Variants in CTNNA2 observed in about 807,000 individuals in gnomAD.
The protein encoded by CTNNA2 is catenin alpha-2.
A neutral mutation model predicts 101.0 loss-of-function variants in CTNNA2; 42 were observed. The ratio of observed to expected loss-of-function variants is 0.42; its 90% CI spans 0.32 to 0.54. The LOEUF is 0.54. CTNNA2 is among the 20% of genes least tolerant of loss of function. The probability of loss-of-function intolerance (pLI) is 0.14; values close to 1 mark genes in which losing one functional copy is unlikely to be tolerated. For synonymous variants in CTNNA2, 450 were observed against 456.4 expected (o/e 0.99, Z 0.18); for missense variants, 871 against 1,223.1 (o/e 0.71, Z 4.29).
intron 7 of CTNNA2, among the ~76,000 whole-genome samples, chr2:80,172,093 G>A (rs1705097373): frequency 6.6e-6 from 1 of 152,142 alleles, no homozygotes; most frequent in South Asian, 2.1e-4. Context: ...GATCATGACA[G>A]GGAGCGGTTT....
chr2:79,567,715 T>C (rs1209342349), intron 1 of CTNNA2, among the ~76,000 whole-genome samples: 1 of 152,018 alleles, frequency 6.6e-6, no homozygotes, highest in Non-Finnish European at 1.5e-5. Context: ...TGGGTGGGCA[T>C]TGCTTGTGTT....
chr2:79,835,691 T>G (rs796528930), intron 3 of CTNNA2, among the ~76,000 whole-genome samples: 13 of 135,378 alleles, frequency 9.6e-5, no homozygotes, highest in African/African-American at 3.2e-4. Flanking sequence ...TTTTTTTTTT[T>G]TTTTTTTTTT....
chr2:79,878,481 G>A (rs1050379562), intron 6 of CTNNA2, among the ~76,000 whole-genome samples: 1 of 152,034 alleles, frequency 6.6e-6, no homozygotes, highest in African/African-American at 2.4e-5. Flanking sequence ...AGCACCAATT[G>A]CATCTATAGC....
chr2:79,351,998 A>G (rs1435408364), intron 3 of CTNNA2, among the ~76,000 whole-genome samples: 1 of 152,208 alleles, frequency 6.6e-6, no homozygotes, highest in Admixed American at 6.5e-5. Flanking sequence ...GAAATCTCCA[A>G]AATTGCTTCC....
intron 3 of CTNNA2, among the ~76,000 whole-genome samples, chr2:79,366,366 C>A (rs1444823481): frequency 6.6e-6 from 1 of 152,148 alleles, no homozygotes; most frequent in Non-Finnish European, 1.5e-5. Context: ...GATTTTTCTT[C>A]CTTATATTAG....
chr2:80,187,783 C>A (rs1706226474), intron 7 of CTNNA2, among the ~76,000 whole-genome samples: 1 of 151,804 alleles, frequency 6.6e-6, no homozygotes, highest in African/African-American at 2.4e-5. Context: ...ATTTTTAAAA[C>A]CTTGAATGTC....
chr2:79,580,822 G>T (rs777729825), intron 1 of CTNNA2, among the ~76,000 whole-genome samples: 8 of 152,210 alleles, frequency 5.3e-5, no homozygotes, highest in Non-Finnish European at 7.4e-5. Context: ...ATTTCCTGAT[G>T]AATGGATAAT....
intron 7 of CTNNA2, among the ~76,000 whole-genome samples, chr2:80,204,261 C>T (rs1045072656): frequency 7.2e-5 from 11 of 152,226 alleles, no homozygotes; most frequent in African/African-American, 2.7e-4. Flanking sequence ...GCTTGAATTT[C>T]TCCTCAGAAA....
intron 7 of CTNNA2, among the ~76,000 whole-genome samples, chr2:79,976,542 A>G (rs1223752008): frequency 2.6e-5 from 4 of 152,176 alleles, no homozygotes; most frequent in Admixed American, 1.3e-4. Context: ...CCAGTGGATT[A>G]AAAGTTCTAT....
At chr2:79,830,740 A>G (rs1678865899) in intron 3 of CTNNA2, among the ~76,000 whole-genome samples, 1 of 152,174 alleles carries the variant, frequency 6.6e-6, no homozygotes, top group South Asian at 2.1e-4. Flanking sequence ...GGCTGTAAAA[A>G]GAATGGGCCT....
In CTNNA2 at chr2:80,280,904, G is replaced by T. The variant is rs187243742; in HGVS notation, c.1057-112307G>T. Among the ~76,000 whole-genome samples, 40 of 152,208 alleles carry T rather than the reference G, an allele frequency of 2.6e-4. No homozygotes were observed. The East Asian group carries it at 7.5e-3, about 29-fold the overall frequency. On this transcript the variant is annotated intron_variant, in intron 7 of 18. Transcript: ENST00000402739. Reference sequence around the variant, plus strand: ...CTATTGTTTCGGGCATCTACTGGGGGTCTTAGAATATACTCCTGCCAATAA... The same window carrying T: ...CTATTGTTTCGGGCATCTACTGGGGTTCTTAGAATATACTCCTGCCAATAA...
At chr2:79,784,780 A>C (rs1484349937) in intron 3 of CTNNA2, among the ~76,000 whole-genome samples, 1 of 151,654 alleles carries the variant, frequency 6.6e-6, no homozygotes, top group Non-Finnish European at 1.5e-5. Flanking sequence ...ATATATATAA[A>C]AACATGGATG....
At chr2:80,034,354 CTTTTTTTTTT>C (rs1199616310) in intron 7 of CTNNA2, among the ~76,000 whole-genome samples, 36 of 54,100 alleles carry the variant, frequency 6.7e-4, no homozygotes, top group African/African-American at 1.4e-3. Flanking sequence ...ATTTTTTTTT[CTTTTTTTTTT>C]TTTTTTTGAT....
intron 2 of CTNNA2, among the ~76,000 whole-genome samples, chr2:79,717,112 G>C (rs1686160120): frequency 6.6e-6 from 1 of 152,176 alleles, no homozygotes; most frequent in Admixed American, 6.6e-5. Context: ...TTGTGTATGA[G>C]CCCTGGAGAA....
chr2:79,599,335 A>G (rs78238881), intron 1 of CTNNA2, among the ~76,000 whole-genome samples: 9,076 of 152,226 alleles, frequency 0.06, 865 homozygotes, highest in African/African-American at 0.2. Flanking sequence ...AAACAAACCT[A>G]TAAGTATTAA....
chr2:79,214,929 C>T (rs186841222), intron 2 of CTNNA2, among the ~76,000 whole-genome samples: 29,657 of 151,712 alleles, frequency 0.2, 3,286 homozygotes, highest in African/African-American at 0.3. Flanking sequence ...GCAAGGGAAA[C>T]AGGCCCTTGA....
chr2:79,769,424 C>T (rs537570926), intron 3 of CTNNA2, among the ~76,000 whole-genome samples: 12 of 152,262 alleles, frequency 7.9e-5, no homozygotes, highest in Non-Finnish European at 1.6e-4. Flanking sequence ...TGAAGTGAAA[C>T]CCTCCATAAA....
intron 2 of CTNNA2, among the ~76,000 whole-genome samples, chr2:79,694,228 A>C (rs1052729551): frequency 4.6e-5 from 7 of 152,000 alleles, no homozygotes; most frequent in African/African-American, 1.7e-4. Context: ...GCTGTGAGTT[A>C]GGAAAACTAT....
At chr2:80,186,188 C>A (rs1046239115) in intron 7 of CTNNA2, among the ~76,000 whole-genome samples, 2 of 152,184 alleles carry the variant, frequency 1.3e-5, no homozygotes, top group Non-Finnish European at 2.9e-5. Context: ...GATGTTGGAG[C>A]CTTCATACAT....
Sources: gnomAD v4.1 joint callset for allele counts (sites outside exome capture counted in the v4.1 genomes callset) on GRCh38, gnomAD v4.1.1 for gene constraint, MANE v1.5 for transcripts, NCBI Gene and HGNC (gene_info 2026-07-23, HGNC 2026-07-21) for gene names.